CCDC3: variants seen among roughly 807,000 people sequenced by gnomAD.
CCDC3 encodes the protein coiled-coil domain-containing protein 3.
In CCDC3, 24 loss-of-function variants were observed where a neutral mutation model predicts 21.4. That is an observed-to-expected ratio of 1.12 (90% CI 0.81 to 1.58). The LOEUF (loss-of-function observed/expected upper bound fraction) is 1.58. CCDC3 is among the 40% of genes most tolerant of loss of function. The probability of loss-of-function intolerance (pLI) is 0.00; values close to 1 mark genes in which losing one functional copy is unlikely to be tolerated. For missense variants in CCDC3, 425 were observed against 360.9 expected (o/e 1.18, Z -1.44); for synonymous variants, 186 against 166.0 (o/e 1.12, Z -0.93).
intron 2 of CCDC3, among the ~76,000 whole-genome samples, chr10:12,979,393 G>A (rs1354848039): frequency 6.6e-6 from 1 of 151,420 alleles, no homozygotes; most frequent in East Asian, 1.9e-4. Context: ...CAAACCCTCT[G>A]TCTTTGTTTT....
intron 5 of CCDC3, among the ~76,000 whole-genome samples, chr10:13,027,678 T>G (rs1355753707): frequency 1.3e-5 from 2 of 150,592 alleles, no homozygotes; most frequent in Non-Finnish European, 2.9e-5. Context: ...ACCACTGCAC[T>G]GTAGCCTGGG....
chr10:12,936,593 C>T (rs1345025404), intron 2 of CCDC3, among the ~76,000 whole-genome samples: 1 of 152,190 alleles, frequency 6.6e-6, no homozygotes, highest in Non-Finnish European at 1.5e-5. Context: ...AGGTTTTTGG[C>T]ATTTCACTCC....
chr10:12,969,618 A>AT (rs1474714147), intron 2 of CCDC3, among the ~76,000 whole-genome samples: 10 of 151,158 alleles, frequency 6.6e-5, no homozygotes, highest in Admixed American at 2.0e-4. Flanking sequence ...AGATGAATGG[A>AT]TAAAAAAAGT....
chr10:12,977,607 G>A (rs1460110776), intron 2 of CCDC3, among the ~76,000 whole-genome samples: 1 of 152,192 alleles, frequency 6.6e-6, no homozygotes, highest in African/African-American at 2.4e-5. Context: ...AGGGGCTGAA[G>A]AAATAACCCT....
At position 13,065,499 on chromosome 10, in the gene CCDC3, T is replaced by C. The variant is rs753044177; in HGVS notation, c.-270+8369A>G. 1.3e-5 allele frequency among the ~76,000 whole-genome samples: 2 copies of C among 152,354 alleles called. 1 individual carries two copies. The highest frequency in any genetic ancestry group is 6.8e-3 in the Middle Eastern group (2 of 294). On this transcript the variant is annotated intron_variant, in intron 4 of 6. Transcript: ENST00000378839. The stretch of plus-strand genomic sequence containing the variant: ...CCTTGGAAGGTAGTTAATGAGATTA[T>C]AGTTTTAATCCTGGGCATGCTTGGC...
intron 5 of CCDC3, among the ~76,000 whole-genome samples, chr10:13,034,040 C>T (rs1021384624): frequency 2.0e-5 from 3 of 152,090 alleles, no homozygotes; most frequent in Non-Finnish European, 4.4e-5. Context: ...GACACATGCA[C>T]ACGTATGTTT....
chr10:12,991,308 T>G lies in CCDC3; in HGVS notation c.549+7030A>C, dbSNP rs150068488. ...CACCAAAGCTTGAACATATGTTTTTTTTGTTGTTGTTGTTTTGTTTTTTTT... is the reference window on the plus strand; with the variant it reads ...CACCAAAGCTTGAACATATGTTTTTGTTGTTGTTGTTGTTTTGTTTTTTTT... On this transcript the variant is annotated intron_variant, in intron 2 of 2. Coordinates refer to ENST00000378825, the MANE Select transcript of CCDC3 (RefSeq NM_031455.4). 4.1e-3 allele frequency among the ~76,000 whole-genome samples: 556 copies of G among 137,222 alleles called. 2 individuals carry two copies. The highest frequency in any genetic ancestry group is 0.014 in the African/African-American group (504 of 35,732). The allele number at this position is 137,222 out of a possible 152,430, so 90.0% of individuals were successfully genotyped here. A position where few individuals can be genotyped will look rare whatever the true frequency, so the allele number is the denominator to read the frequency against.
chr10:12,986,892 T>G (rs895028188), intron 2 of CCDC3, among the ~76,000 whole-genome samples: 6 of 152,136 alleles, frequency 3.9e-5, no homozygotes, highest in African/African-American at 1.4e-4. Context: ...ACTGTTTCAA[T>G]AAAACTTTCA....
chr10:12,975,499 TCAATGAGAGGAAGG>T (rs1835403017), intron 2 of CCDC3, among the ~76,000 whole-genome samples: 3 of 152,106 alleles, frequency 2.0e-5, no homozygotes, highest in Admixed American at 6.5e-5. Context: ...TGGCTGTTTG[TCAATGAGAGGAAGG>T]ATGGGCAAAT....
intron 4 of CCDC3, among the ~76,000 whole-genome samples, chr10:13,054,040 G>A (rs1199358552): frequency 1.3e-5 from 2 of 151,812 alleles, no homozygotes; most frequent in Admixed American, 6.6e-5. Flanking sequence ...AGCTACTCGG[G>A]AGGCTGAGAC....
At chr10:12,963,074 C>A (rs987225138) in intron 2 of CCDC3, among the ~76,000 whole-genome samples, 2 of 152,126 alleles carry the variant, frequency 1.3e-5, no homozygotes, top group African/African-American at 4.8e-5. Flanking sequence ...TTTAAAAATA[C>A]GTCTGCAGTT....
chr10:13,036,955 G>A (rs778125929), intron 5 of CCDC3, among the ~76,000 whole-genome samples: 1 of 151,454 alleles, frequency 6.6e-6, no homozygotes, highest in South Asian at 2.1e-4. Context: ...GATTTTCTTT[G>A]TTTATTTTTT....
At chr10:12,938,009 A>T (rs1242900944) in intron 2 of CCDC3, among the ~76,000 whole-genome samples, 1 of 128,830 alleles carries the variant, frequency 7.8e-6, no homozygotes, top group Non-Finnish European at 1.6e-5. Flanking sequence ...AAATCCCTGG[A>T]ACTCTGCAGT....
intron 4 of CCDC3, among the ~76,000 whole-genome samples, chr10:13,062,295 G>C (rs1564336646): frequency 6.6e-6 from 1 of 152,150 alleles, no homozygotes; most frequent in Non-Finnish European, 1.5e-5. Context: ...GACTAACCGA[G>C]TTTCCCTTTT....
At chr10:12,966,065 C>CCT (rs1303563337) in intron 2 of CCDC3, among the ~76,000 whole-genome samples, 1 of 152,162 alleles carries the variant, frequency 6.6e-6, no homozygotes, top group East Asian at 1.9e-4. Context: ...GTTCCCAAGG[C>CCT]TGGGCCTCAC....
chr10:12,950,643 G>A (rs147113747), intron 2 of CCDC3, among the ~76,000 whole-genome samples: 27 of 152,280 alleles, frequency 1.8e-4, no homozygotes, highest in Admixed American at 1.3e-3. Flanking sequence ...CCTGGACTTT[G>A]ACTTCCTCTC....
At chr10:13,002,959 C>T (rs1835877692), upstream of CCDC3, among the ~76,000 whole-genome samples, 1 of 152,208 alleles carries the variant, frequency 6.6e-6, no homozygotes, top group Non-Finnish European at 1.5e-5. Context: ...GTCACTAGTC[C>T]TATGGGGTTA....
At chr10:13,085,096 A>C (rs1294662267) in intron 3 of CCDC3, among the ~76,000 whole-genome samples, 1 of 152,186 alleles carries the variant, frequency 6.6e-6, no homozygotes, top group Non-Finnish European at 1.5e-5. Context: ...TTGAAGTGTC[A>C]ATATCCTTCC....
intron 5 of CCDC3, among the ~76,000 whole-genome samples, chr10:13,026,273 C>T (rs886900023): frequency 6.6e-6 from 1 of 152,256 alleles, no homozygotes; most frequent in East Asian, 1.9e-4. Flanking sequence ...TATAACTAGG[C>T]GCTGATAATT....
Sources: allele counts gnomAD v4.1 joint callset (sites outside exome capture counted in the v4.1 genomes callset), GRCh38; gene constraint gnomAD v4.1.1; transcripts MANE v1.5; gene names NCBI Gene and HGNC (gene_info 2026-07-23, HGNC 2026-07-21).